Variants in DNAAF9 observed in about 807,000 individuals in gnomAD.
DNAAF9 encodes dynein axonemal assembly factor 9, also known as shulin.
A neutral mutation model predicts 167.0 loss-of-function variants in DNAAF9; 90 were observed. The observed-to-expected ratio is 0.54, with a 90% CI of 0.45 to 0.64. The LOEUF (loss-of-function observed/expected upper bound fraction) is 0.64. Ranked by LOEUF, DNAAF9 falls within the 30% of genes least tolerant of loss-of-function variation. DNAAF9 has a pLI of 0.00. For missense variants in DNAAF9, 1,315 were observed against 1,442.2 expected (o/e 0.91, Z 1.43); for synonymous variants, 491 against 508.8 (o/e 0.96, Z 0.47).
intron 8 of DNAAF9, among the ~76,000 whole-genome samples, chr20:3,344,540 A>C (rs373170208): frequency 6.6e-6 from 1 of 151,062 alleles, no homozygotes; most frequent in African/African-American, 2.4e-5. Flanking sequence ...TGTTCATGGA[A>C]ATTTATATTG....
At position 3,362,488 on chromosome 20, in the gene DNAAF9, AT is replaced by A. The variant is rs58494602; in HGVS notation, c.613-2896del. On this transcript the variant is annotated intron_variant, in intron 6 of 36. Coordinates refer to ENST00000252032, the MANE Select transcript of DNAAF9 (RefSeq NM_001009984.3). Reference sequence around the variant, plus strand: ...CAGCTTCATTTTTTTCACCTGTATAATTTTTTTTTTACAAATCAATTCTGTT... The same window carrying A: ...CAGCTTCATTTTTTTCACCTGTATAATTTTTTTTTACAAATCAATTCTGTT... Among the ~76,000 whole-genome samples the A allele has an allele frequency of 2.7e-5, 4 of 149,786 alleles. 1 individual carries two copies. Among genetic ancestry groups the A allele is most frequent in the Non-Finnish European group, 4.5e-5 (3 of 67,234 alleles).
intron 10 of DNAAF9, among the ~76,000 whole-genome samples, chr20:3,337,739 T>C (rs898190417): frequency 4.6e-5 from 7 of 151,896 alleles, no homozygotes; most frequent in Non-Finnish European, 7.4e-5. Context: ...TATCCCTTTG[T>C]GTGTAGTGCA....
chr20:3,285,386 C>T (rs1437253873), intron 27 of DNAAF9, among the ~76,000 whole-genome samples: 1 of 151,364 alleles, frequency 6.6e-6, no homozygotes, highest in Non-Finnish European at 1.5e-5. Flanking sequence ...TCTCTAAAAA[C>T]AAAGGCCAGG....
At chr20:3,268,431 C>T (rs1216545410) in intron 30 of DNAAF9, among the ~76,000 whole-genome samples, 10 of 151,824 alleles carry the variant, frequency 6.6e-5, no homozygotes, top group Admixed American at 3.9e-4. Flanking sequence ...TGGGTTTAAG[C>T]GATTCTCTTG....
chr20:3,303,912 G>T (rs1235638228), intron 21 of DNAAF9, among the ~76,000 whole-genome samples: 2 of 152,222 alleles, frequency 1.3e-5, no homozygotes, highest in Non-Finnish European at 2.9e-5. Context: ...AACTTTTATG[G>T]AGCTGGAGAG....
chr20:3,329,653 A>G (rs1163991998), intron 12 of DNAAF9, among the ~76,000 whole-genome samples: 2 of 152,226 alleles, frequency 1.3e-5, no homozygotes, highest in African/African-American at 2.4e-5. Context: ...TGGAGAACCT[A>G]TATTTTAAAG....
intron 10 of DNAAF9, among the ~76,000 whole-genome samples, chr20:3,336,258 G>GTTTTTTTTTTTTTTTTTTT (rs367718705): frequency 8.8e-6 from 1 of 113,560 alleles, no homozygotes; most frequent in East Asian, 2.7e-4. Flanking sequence ...TTGCGTTTTT[G>GTTTTTTTTTTTTTTTTTTT]TTTTTTTTTT....
At chr20:3,332,189 A>G (rs2069841811) in intron 11 of DNAAF9, 91 bp downstream of exon 11, 7 of 720,582 alleles carry the variant, frequency 9.7e-6, no homozygotes, top group East Asian at 2.6e-5. Context: ...TGAGCTTCCA[A>G]GCAAAGTAGT....
At chr20:3,262,944 G>GT (rs370210389) in intron 31 of DNAAF9, among the ~76,000 whole-genome samples, 6 of 91,420 alleles carry the variant, frequency 6.6e-5, no homozygotes, top group African/African-American at 2.2e-4. Context: ...TTTTGGTTTT[G>GT]TTTTTTACAG....
At chr20:3,351,965 G>A (rs1291632028) in intron 7 of DNAAF9, among the ~76,000 whole-genome samples, 1 of 151,898 alleles carries the variant, frequency 6.6e-6, no homozygotes, top group Non-Finnish European at 1.5e-5. Flanking sequence ...CACCATGTTG[G>A]CCAGGCTGGT....
chr20:3,336,318 A>C (rs1410295215), intron 10 of DNAAF9, among the ~76,000 whole-genome samples: 1 of 58,104 alleles, frequency 1.7e-5, no homozygotes, highest in Non-Finnish European at 3.6e-5. Flanking sequence ...TTCATTTTTT[A>C]AGTCTCATCT....
At chr20:3,404,493 T>C (rs916539864) in intron 1 of DNAAF9, among the ~76,000 whole-genome samples, 4 of 152,240 alleles carry the variant, frequency 2.6e-5, no homozygotes, top group African/African-American at 7.2e-5. Context: ...TTAATACTAA[T>C]AAATGGCAAC....
At chr20:3,338,959 T>C (rs1239081690) in intron 10 of DNAAF9, among the ~76,000 whole-genome samples, 1 of 151,984 alleles carries the variant, frequency 6.6e-6, no homozygotes, top group African/African-American at 2.4e-5. Context: ...CGGCTGGTTC[T>C]TGGATGATTT....
intron 20 of DNAAF9, among the ~76,000 whole-genome samples, chr20:3,310,333 A>AAAAAAGAAAG (rs1555790608): frequency 9.4e-6 from 1 of 106,182 alleles, no homozygotes; most frequent in East Asian, 2.8e-4. Context: ...AAGAGAAAGA[A>AAAAAAGAAAG]AAAGAAAGAA....
intron 16 of DNAAF9, among the ~76,000 whole-genome samples, chr20:3,319,306 G>C (rs1340319258): frequency 7.7e-6 from 1 of 130,686 alleles, no homozygotes; most frequent in African/African-American, 2.8e-5. Context: ...AAGCTATCAA[G>C]CTTTTATGGC....
intron 31 of DNAAF9, among the ~76,000 whole-genome samples, chr20:3,262,396 G>A (rs936742035): frequency 2.0e-5 from 3 of 151,716 alleles, no homozygotes; most frequent in Non-Finnish European, 4.4e-5. Flanking sequence ...GACTACAGGT[G>A]CCTGCCACCA....
chr20:3,379,032 C>T (rs1488577894), intron 3 of DNAAF9, among the ~76,000 whole-genome samples: 1 of 151,774 alleles, frequency 6.6e-6, no homozygotes, highest in Non-Finnish European at 1.5e-5. Flanking sequence ...CCTCCAAGAG[C>T]CCTTCCCTGA....
intron 29 of DNAAF9, among the ~76,000 whole-genome samples, chr20:3,277,815 T>G (rs1366488388): frequency 6.6e-6 from 1 of 152,162 alleles, no homozygotes; most frequent in South Asian, 2.1e-4. Flanking sequence ...CAGCCCAACA[T>G]ACACATTCCT....
chr20:3,319,477 G>T (rs1481605441), intron 16 of DNAAF9, among the ~76,000 whole-genome samples: 1 of 152,120 alleles, frequency 6.6e-6, no homozygotes, highest in African/African-American at 2.4e-5. Context: ...AGAAAATGAT[G>T]TTAGCTAGAG....
Sources: gnomAD v4.1 joint callset for allele counts (sites outside exome capture counted in the v4.1 genomes callset) on GRCh38, gnomAD v4.1.1 for gene constraint, MANE v1.5 for transcripts, NCBI Gene and HGNC (gene_info 2026-07-23, HGNC 2026-07-21) for gene names.